The following TAFA1 variants were observed in gnomAD, a reference collection of about 807,000 sequenced individuals.
TAFA1 encodes chemokine-like protein TAFA-1.
A neutral mutation model predicts 18.5 loss-of-function variants in TAFA1; 4 were observed. That is an observed-to-expected ratio of 0.22 (90% CI 0.11 to 0.49). The LOEUF is 0.49. TAFA1 is among the 20% of genes least tolerant of loss of function. TAFA1 has a pLI of 0.98. For missense variants in TAFA1, 147 were observed against 169.0 expected (o/e 0.87, Z 0.72); for synonymous variants, 56 against 55.2 (o/e 1.01, Z -0.06).
chr3:68,389,984 G>GT (rs1022514300), intron 2 of TAFA1, among the ~76,000 whole-genome samples: 2 of 152,118 alleles, frequency 1.3e-5, no homozygotes, highest in African/African-American at 4.8e-5. Flanking sequence ...TACCCCAGTG[G>GT]TGCCTGGAAT....
chr3:68,144,161 A>G (rs1225135701), intron 2 of TAFA1, among the ~76,000 whole-genome samples: 1 of 152,152 alleles, frequency 6.6e-6, no homozygotes, highest in Non-Finnish European at 1.5e-5. Context: ...AGCATCTGCT[A>G]AAGTGTGAAA....
intron 2 of TAFA1, among the ~76,000 whole-genome samples, chr3:68,070,495 G>T (rs2064740119): frequency 6.6e-6 from 1 of 152,232 alleles, no homozygotes; most frequent in Non-Finnish European, 1.5e-5. Context: ...CTGCCATGAA[G>T]ACCTCTGACA....
intron 2 of TAFA1, among the ~76,000 whole-genome samples, chr3:68,255,216 A>T (rs1382170258): frequency 6.6e-6 from 1 of 152,170 alleles, no homozygotes. Context: ...ATAGAGAAGG[A>T]ATAAAGAATA....
chr3:68,258,528 G>A (rs1016780873), intron 2 of TAFA1, among the ~76,000 whole-genome samples: 35 of 152,148 alleles, frequency 2.3e-4, no homozygotes, highest in African/African-American at 7.0e-4. Context: ...AAGAAACTGT[G>A]TGTGACTTTA....
chr3:68,371,650 A>T (rs528410855), intron 2 of TAFA1, among the ~76,000 whole-genome samples: 1 of 152,324 alleles, frequency 6.6e-6, no homozygotes, highest in South Asian at 2.1e-4. Flanking sequence ...GGTTGGTTCC[A>T]AGACTTTGCT....
chr3:68,244,555 T>C (rs1301858883), intron 2 of TAFA1, among the ~76,000 whole-genome samples: 2 of 152,212 alleles, frequency 1.3e-5, no homozygotes, highest in Non-Finnish European at 2.9e-5. Context: ...ATTTTATTTT[T>C]TGTAGAGACA....
At chr3:68,280,443 T>A (rs1368773710) in intron 2 of TAFA1, among the ~76,000 whole-genome samples, 1 of 151,974 alleles carries the variant, frequency 6.6e-6, no homozygotes, top group Non-Finnish European at 1.5e-5. Flanking sequence ...TATGTCTTGA[T>A]GAGTGCAGTC....
intron 2 of TAFA1, among the ~76,000 whole-genome samples, chr3:68,117,855 C>T (rs1181338241): frequency 2.0e-5 from 3 of 152,074 alleles, no homozygotes; most frequent in Non-Finnish European, 4.4e-5. Flanking sequence ...AAAATATGCA[C>T]AGCATACAAT....
intron 2 of TAFA1, among the ~76,000 whole-genome samples, chr3:68,020,408 A>G (rs748220200): frequency 1.3e-5 from 2 of 152,094 alleles, no homozygotes; most frequent in Non-Finnish European, 2.9e-5. Context: ...TGCCTCACCC[A>G]TAGAGTGGGG....
chr3:68,322,359 T>C (rs2068708527), intron 2 of TAFA1, among the ~76,000 whole-genome samples: 2 of 152,200 alleles, frequency 1.3e-5, no homozygotes, highest in African/African-American at 4.8e-5. Flanking sequence ...TTTATTCCTC[T>C]CAAAATCATC....
chr3:68,341,295 G>A (rs1442336414), intron 2 of TAFA1, among the ~76,000 whole-genome samples: 1 of 152,244 alleles, frequency 6.6e-6, no homozygotes, highest in African/African-American at 2.4e-5. Context: ...AAAGGGGGTC[G>A]AAGTGAGTTT....
At chr3:68,479,041 G>C (rs2072164938) in intron 3 of TAFA1, among the ~76,000 whole-genome samples, 1 of 150,206 alleles carries the variant, frequency 6.7e-6, no homozygotes, top group African/African-American at 2.4e-5. Context: ...GACCATCCTG[G>C]CCAACATAGT....
chr3:68,303,715 C>T (rs1048916771), intron 2 of TAFA1, among the ~76,000 whole-genome samples: 1 of 152,074 alleles, frequency 6.6e-6, no homozygotes, highest in African/African-American at 2.4e-5. Context: ...TCCCAAAGTG[C>T]TGGGATTACA....
At chr3:68,272,793 A>G (rs1559592943) in intron 2 of TAFA1, among the ~76,000 whole-genome samples, 1 of 152,216 alleles carries the variant, frequency 6.6e-6, no homozygotes, top group Non-Finnish European at 1.5e-5. Context: ...AAGTCAGGCC[A>G]AGCAATGAGC....
chr3:68,036,888 T>C (rs1705061145), intron 2 of TAFA1, among the ~76,000 whole-genome samples: 1 of 152,208 alleles, frequency 6.6e-6, no homozygotes. Context: ...TTGATATTCA[T>C]TTGTTTTTTC....
chr3:68,268,721 C>T (rs1352583052), intron 2 of TAFA1, among the ~76,000 whole-genome samples: 1 of 152,110 alleles, frequency 6.6e-6, no homozygotes, highest in Non-Finnish European at 1.5e-5. Flanking sequence ...TTCCACTCTG[C>T]TTGCCTTATG....
At chr3:68,537,504 A>G (rs934479665) in intron 3 of TAFA1, among the ~76,000 whole-genome samples, 8 of 152,224 alleles carry the variant, frequency 5.3e-5, no homozygotes, top group Non-Finnish European at 1.2e-4. Context: ...TCTCACAGGT[A>G]GCAGCCCTCA....
At chr3:68,306,338 T>A (rs1437692201) in intron 2 of TAFA1, among the ~76,000 whole-genome samples, 1 of 152,218 alleles carries the variant, frequency 6.6e-6, no homozygotes, top group East Asian at 1.9e-4. Flanking sequence ...ATAACACGTC[T>A]CTCTTTGGGT....
At chr3:68,039,975 G>A (rs1056457116) in intron 2 of TAFA1, among the ~76,000 whole-genome samples, 3 of 152,098 alleles carry the variant, frequency 2.0e-5, no homozygotes, top group African/African-American at 7.2e-5. Context: ...CTGTGGGTGG[G>A]CCAAACACAT....
Sources: allele counts gnomAD v4.1 joint callset (sites outside exome capture counted in the v4.1 genomes callset), GRCh38; gene constraint gnomAD v4.1.1; transcripts MANE v1.5; gene names NCBI Gene and HGNC (gene_info 2026-07-23, HGNC 2026-07-21).